Variants in MOGAT1 observed in about 807,000 individuals in gnomAD.
The protein encoded by MOGAT1 is 2-acylglycerol O-acyltransferase 1.
In MOGAT1, 32 loss-of-function variants were observed where a neutral mutation model predicts 31.4. The observed-to-expected ratio is 1.02, with a 90% CI of 0.77 to 1.37. The LOEUF (loss-of-function observed/expected upper bound fraction) is 1.37. Among genes scored for constraint, MOGAT1 ranks in the 40% most tolerant of loss-of-function variants. The probability of loss-of-function intolerance (pLI) is 0.00; values close to 1 mark genes in which losing one functional copy is unlikely to be tolerated. For synonymous variants in MOGAT1, 145 were observed against 144.5 expected (o/e 1.00, Z -0.03); for missense variants, 426 against 402.0 (o/e 1.06, Z -0.51).
At chr2:222,681,743 A>G (rs1692584116) in intron 1 of MOGAT1, among the ~76,000 whole-genome samples, 1 of 152,186 alleles carries the variant, frequency 6.6e-6, no homozygotes, top group Non-Finnish European at 1.5e-5. Context: ...TTGTCTCATT[A>G]GAAGAAAAGA....
intron 1 of MOGAT1, among the ~76,000 whole-genome samples, chr2:222,678,940 C>T (rs376347175): frequency 3.3e-5 from 5 of 151,864 alleles, no homozygotes; most frequent in East Asian, 3.9e-4. Context: ...CAAAAAACTC[C>T]GTCTCAAAAA....
intron 3 of MOGAT1, among the ~76,000 whole-genome samples, chr2:222,690,183 A>T (rs1692735893): frequency 6.6e-6 from 1 of 152,194 alleles, no homozygotes; most frequent in Admixed American, 6.5e-5. Context: ...TGAGCTTGGG[A>T]GGTCAAGGCT....
rs978964136 is a variant in MOGAT1 at position 222,689,616 on chromosome 2, T to C, written c.478+147T>C. On this transcript the variant is annotated intron_variant, in intron 3 of 5. Coordinates refer to ENST00000446656, the MANE Select transcript of MOGAT1 (RefSeq NM_058165.3). ...TGGCACTTCCTATGGTGTCTGGGTG[T>C]TTCCTGCCCTCCCCCACTGGACTGT... 4.2e-5 allele frequency: 29 copies of C among 698,718 alleles called. No homozygotes were observed. In the South Asian group the frequency reaches 4.8e-4, roughly 12 times the overall value. The allele number at this position is 698,718 out of a possible 1,614,324, so 43.3% of individuals were successfully genotyped here.
At chr2:222,696,101 C>T (rs1029262151) in intron 5 of MOGAT1, among the ~76,000 whole-genome samples, 7 of 152,198 alleles carry the variant, frequency 4.6e-5, no homozygotes, top group African/African-American at 9.7e-5. Context: ...TATTTCATTA[C>T]TTCTTATGGC....
intron 3 of MOGAT1, among the ~76,000 whole-genome samples, chr2:222,692,698 T>G (rs1692780290): frequency 6.6e-6 from 1 of 152,082 alleles, no homozygotes. Flanking sequence ...AAATGGTAGT[T>G]GAATCCATGG....
At chr2:222,672,870 G>A (rs1226322457) in intron 1 of MOGAT1, among the ~76,000 whole-genome samples, 1 of 148,412 alleles carries the variant, frequency 6.7e-6, no homozygotes, top group Non-Finnish European at 1.5e-5. Flanking sequence ...CAGATGCCCA[G>A]GCTCCATCCT....
chr2:222,673,807 G>T (rs911393913), intron 1 of MOGAT1, among the ~76,000 whole-genome samples: 2 of 152,160 alleles, frequency 1.3e-5, no homozygotes, highest in African/African-American at 4.8e-5. Flanking sequence ...ACTTCAGAAA[G>T]TTCTCTATGG....
intron 4 of MOGAT1, 82 bp downstream of exon 4, chr2:222,694,618 C>A: frequency 7.1e-7 from 1 of 1,409,264 alleles, no homozygotes; most frequent in Non-Finnish European, 9.6e-7. Context: ...AGGTGATTTT[C>A]TAGCCCTTAA....
intron 5 of MOGAT1, among the ~76,000 whole-genome samples, chr2:222,701,470 GAA>G (rs1692922802): frequency 1.4e-5 from 2 of 144,548 alleles, no homozygotes; most frequent in African/African-American, 2.6e-5. Flanking sequence ...GAAAAAGAAA[GAA>G]AGAGAAAGAA....
In MOGAT1 at chr2:222,694,443, G is replaced by T; in HGVS notation, c.560G>T (p.Gly187Val). ...GGGNISVIVL[G>V]GAKESLDAHP... Reference sequence around the variant, plus strand: ...GGAAACATCTCTGTCATTGTCCTTGGGGGTGCAAAAGAATCACTGGATGCT... The same window carrying T: ...GGAAACATCTCTGTCATTGTCCTTGTGGGTGCAAAAGAATCACTGGATGCT... The change falls in exon 4 of 6, where the codon GGG becomes GTG. Residue 187 changes from glycine (G) to valine (V), a missense_variant. By Grantham distance (109) the Gly-to-Val change is moderately radical. Coordinates refer to ENST00000446656, the MANE Select transcript of MOGAT1 (RefSeq NM_058165.3). 1.9e-6 allele frequency: 3 copies of T among 1,613,852 alleles called. No individual in the cohort carries two copies. The highest frequency in any genetic ancestry group is 2.5e-6 in the Non-Finnish European group (3 of 1,179,818).
intron 1 of MOGAT1, among the ~76,000 whole-genome samples, chr2:222,684,442 T>G (rs748216816): frequency 1.6e-4 from 25 of 152,094 alleles, no homozygotes; most frequent in Non-Finnish European, 2.8e-4. Context: ...AAAACTATTG[T>G]GATGCTCTTT....
rs185699725 is a variant in MOGAT1, at chr2:222,688,509, A to G, written c.260A>G (p.Tyr87Cys). The G allele has an allele frequency of 1.2e-5, 20 of 1,609,426 alleles. No homozygotes were observed. Among genetic ancestry groups the G allele is most frequent in the Non-Finnish European group, 1.6e-5 (19 of 1,178,136 alleles). The change falls in exon 2 of 6, where the codon TAT becomes TGT. Residue 87 changes from tyrosine to cysteine, a missense_variant. Tyr to Cys is a radical substitution (Grantham distance 194, BLOSUM62 -2). Transcript: ENST00000446656. ...ACTCTTTGGAAACACTTTAAGGACT[A>G]TTTTCCAATTCATGTGAGTACAGTT... is the stretch of plus-strand genomic sequence containing the variant. The part of the protein sequence containing the change: ...NWTLWKHFKD[Y>C]FPIHLIKTQD...
At chr2:222,701,571 G>GAAAAGAAAGA (rs1439007837) in intron 5 of MOGAT1, among the ~76,000 whole-genome samples, 14 of 92,876 alleles carry the variant, frequency 1.5e-4, no homozygotes, top group African/African-American at 7.2e-4. Flanking sequence ...GAGAAAGAAA[G>GAAAAGAAAGA]AAAAGAAAGA....
intron 5 of MOGAT1, among the ~76,000 whole-genome samples, chr2:222,696,182 G>A (rs1692834191): frequency 6.6e-6 from 1 of 152,174 alleles, no homozygotes; most frequent in Admixed American, 6.5e-5. Flanking sequence ...GGGCATTTGG[G>A]CTGGTTCCAT....
Position 222,689,382 on chromosome 2 carries a change from G to T in MOGAT1, c.391G>T (p.Asp131Tyr). Residue 131 changes from aspartate to tyrosine, a missense_variant, in exon 3 of 6, where the codon GAC (aspartate) becomes TAC (tyrosine). By Grantham distance (160) the Asp-to-Tyr change is radical. Coordinates refer to ENST00000446656, the MANE Select transcript of MOGAT1 (RefSeq NM_058165.3). Reference protein sequence around the residue: ...NFSVNYSDFKDLFPGFTSYLH... With the variant: ...NFSVNYSDFKYLFPGFTSYLH... Reference sequence around the variant, plus strand: ...TTCTGTAAATTATTCTGACTTCAAGGACCTGTTTCCTGGCTTTACTTCATA... The same window carrying T: ...TTCTGTAAATTATTCTGACTTCAAGTACCTGTTTCCTGGCTTTACTTCATA... The T allele has an allele frequency of 1.2e-6, 2 of 1,613,996 alleles. No homozygotes were observed. Among genetic ancestry groups the T allele is most frequent in the Non-Finnish European group, 1.7e-6 (2 of 1,179,886 alleles).
chr2:222,689,589 T>C, intron 3 of MOGAT1, 120 bp downstream of exon 3: 2 of 876,968 alleles, frequency 2.3e-6, no homozygotes, highest in Non-Finnish European at 1.8e-6. Context: ...TTTATCCTCA[T>C]CTGGCACTTC....
At chr2:222,701,207 C>A (rs970300786) in intron 5 of MOGAT1, among the ~76,000 whole-genome samples, 1 of 150,962 alleles carries the variant, frequency 6.6e-6, no homozygotes, top group African/African-American at 2.4e-5. Context: ...TTGAAGTGAG[C>A]GGAGATCGTG....
intron 5 of MOGAT1, among the ~76,000 whole-genome samples, chr2:222,697,298 C>T (rs944907142): frequency 3.9e-5 from 6 of 152,270 alleles, no homozygotes; most frequent in Admixed American, 2.0e-4. Flanking sequence ...TTTATAAGTG[C>T]TTTCCATTTA....
chr2:222,687,122 AAAAAAAAAAAAAAAAAAGAAAGAACAAG>A (rs1186916116), intron 1 of MOGAT1, among the ~76,000 whole-genome samples: 1 of 113,020 alleles, frequency 8.8e-6, no homozygotes, highest in Non-Finnish European at 1.8e-5. Context: ...TCAAAAAAAA[AAAAAAAAAAAAAAAAAAGAAAGAACAAG>A]AAAGAAAGAA....
Sources: gnomAD v4.1 joint callset for allele counts (sites outside exome capture counted in the v4.1 genomes callset) on GRCh38, gnomAD v4.1.1 for gene constraint, MANE v1.5 for transcripts, NCBI Gene and HGNC (gene_info 2026-07-23, HGNC 2026-07-21) for gene names.